Variants in ATG5 observed in about 807,000 individuals in gnomAD.
ATG5 encodes autophagy protein 5.
Under a neutral mutation model 36.5 loss-of-function variants are expected in ATG5, and 14 were observed. That is an observed-to-expected ratio of 0.38 (90% CI 0.25 to 0.60). The LOEUF is 0.60. Ranked by LOEUF, ATG5 falls within the 20% of genes least tolerant of loss-of-function variation. ATG5 has a pLI of 0.60. For synonymous variants in ATG5, 95 were observed against 101.5 expected (o/e 0.94, Z 0.38); for missense variants, 195 against 326.7 (o/e 0.60, Z 3.11).
At chr6:106,198,777 G>GAAA (rs34709544) in intron 7 of ATG5, among the ~76,000 whole-genome samples, 1 of 148,068 alleles carries the variant, frequency 6.8e-6, no homozygotes, top group African/African-American at 2.5e-5. Flanking sequence ...CCCTGTCTGG[G>GAAA]AAAAAAAAAA....
intron 3 of ATG5, among the ~76,000 whole-genome samples, chr6:106,297,372 G>A (rs1019181862): frequency 6.6e-6 from 1 of 152,118 alleles, no homozygotes; most frequent in Non-Finnish European, 1.5e-5. Flanking sequence ...GGGCTGCTCA[G>A]TCTAATTGGT....
chr6:106,253,562 C>T (rs1007586351), intron 5 of ATG5, among the ~76,000 whole-genome samples: 2 of 152,136 alleles, frequency 1.3e-5, no homozygotes, highest in South Asian at 4.1e-4. Context: ...GCATCAAGAA[C>T]AGTAATCAAT....
At chr6:106,281,755 C>CT (rs1490621635) in intron 4 of ATG5, among the ~76,000 whole-genome samples, 18 of 152,180 alleles carry the variant, frequency 1.2e-4, no homozygotes, top group Admixed American at 1.2e-3. Flanking sequence ...AACTGCCAAA[C>CT]TATTTTTCAA....
chr6:106,186,645 A>C lies in ATG5; in HGVS notation c.723T>G (p.His241Gln). The change falls in exon 8 of 8, where the codon CAT becomes CAG. Residue 241 changes from histidine to glutamine, a missense_variant. Transcript: ENST00000369076. The stretch of plus-strand genomic sequence containing the variant: ...GTGTTTCCAACATTGGCTCAATTCC[A>C]TGAATCATCACTTGATTCTTTTTTT... ...DGEKKNQVMI[H>Q]GIEPMLETPL... 1 of 1,613,864 alleles carries C rather than the reference A, an allele frequency of 6.2e-7. No homozygotes were observed. Among genetic ancestry groups the C allele is most frequent in the Non-Finnish European group, 8.5e-7 (1 of 1,179,898 alleles).
At chr6:106,205,653 C>G (rs1469803515) in intron 6 of ATG5, among the ~76,000 whole-genome samples, 2 of 152,156 alleles carry the variant, frequency 1.3e-5, no homozygotes, top group Non-Finnish European at 2.9e-5. Flanking sequence ...TCTAACCTCA[C>G]TATTGGAGAA....
intron 5 of ATG5, among the ~76,000 whole-genome samples, chr6:106,251,669 G>GA (rs1562237645): frequency 1.3e-5 from 1 of 75,254 alleles, no homozygotes; most frequent in Admixed American, 1.3e-4. Flanking sequence ...GGAAGGGAGG[G>GA]GGAGGGGGAG....
intron 6 of ATG5, among the ~76,000 whole-genome samples, chr6:106,210,421 TA>T (rs1460226343): frequency 4.6e-5 from 7 of 152,176 alleles, no homozygotes; most frequent in Non-Finnish European, 8.8e-5. Context: ...GAAAATCCTT[TA>T]AAAAGTATAA....
At chr6:106,263,035 C>A (rs1468233491) in intron 5 of ATG5, among the ~76,000 whole-genome samples, 1 of 152,212 alleles carries the variant, frequency 6.6e-6, no homozygotes, top group Non-Finnish European at 1.5e-5. Context: ...GCCACAGAGT[C>A]AAGTGGTCTC....
intron 6 of ATG5, among the ~76,000 whole-genome samples, chr6:106,203,342 T>C (rs1776509410): frequency 1.3e-5 from 2 of 152,204 alleles, no homozygotes; most frequent in Non-Finnish European, 2.9e-5. Context: ...AGAGCACCAC[T>C]GTTTGCAAGA....
chr6:106,200,113 G>C (rs1012271834), intron 7 of ATG5, among the ~76,000 whole-genome samples: 1 of 152,096 alleles, frequency 6.6e-6, no homozygotes, highest in Admixed American at 6.6e-5. Context: ...AGGAATGCTA[G>C]TATAAGCAAG....
At chr6:106,316,415 C>T (rs1328700579) in intron 1 of ATG5, 149 bp from the exon 2 acceptor site, 7 of 444,750 alleles carry the variant, frequency 1.6e-5, no homozygotes, top group East Asian at 1.4e-4. Context: ...AGTATAAATT[C>T]AAAGAAAAGA....
chr6:106,262,881 C>A (rs1377467979), intron 5 of ATG5, among the ~76,000 whole-genome samples: 1 of 152,248 alleles, frequency 6.6e-6, no homozygotes, highest in Non-Finnish European at 1.5e-5. Context: ...TAGCCTACAC[C>A]ACCAGGGCCC....
chr6:106,209,657 C>A (rs1233625204), intron 6 of ATG5, among the ~76,000 whole-genome samples: 2 of 152,070 alleles, frequency 1.3e-5, no homozygotes, highest in Non-Finnish European at 2.9e-5. Context: ...ACTAAATACA[C>A]ACACACAGTA....
At chr6:106,205,086 G>A (rs1776581763) in intron 6 of ATG5, among the ~76,000 whole-genome samples, 1 of 152,196 alleles carries the variant, frequency 6.6e-6, no homozygotes, top group African/African-American at 2.4e-5. Flanking sequence ...TTTAGCAAAG[G>A]AAGTAATGTT....
At chr6:106,256,570 G>A (rs531413475) in intron 5 of ATG5, among the ~76,000 whole-genome samples, 54 of 152,114 alleles carry the variant, frequency 3.5e-4, no homozygotes, top group African/African-American at 1.2e-3. Flanking sequence ...TTCATCATGC[G>A]AACATCATAG....
chr6:106,255,815 CA>C (rs936540018), intron 5 of ATG5, among the ~76,000 whole-genome samples: 1 of 152,066 alleles, frequency 6.6e-6, no homozygotes, highest in Non-Finnish European at 1.5e-5. Flanking sequence ...AGCAGCTTGT[CA>C]AAAAGAGATT....
chr6:106,216,439 T>C (rs1411936495), intron 6 of ATG5, among the ~76,000 whole-genome samples: 7 of 152,172 alleles, frequency 4.6e-5, no homozygotes, highest in Admixed American at 4.6e-4. Flanking sequence ...TATTGATACA[T>C]GCTACAAAAT....
intron 4 of ATG5, among the ~76,000 whole-genome samples, chr6:106,282,179 T>C (rs1779909152): frequency 6.6e-6 from 1 of 152,232 alleles, no homozygotes; most frequent in Non-Finnish European, 1.5e-5. Context: ...CTTCAATTCA[T>C]GTTATGAGCT....
chr6:106,294,411 T>TAA (rs1421838265), intron 3 of ATG5, among the ~76,000 whole-genome samples: 1 of 151,562 alleles, frequency 6.6e-6, no homozygotes, highest in Non-Finnish European at 1.5e-5. Flanking sequence ...CTTATATATA[T>TAA]AAACATAGAT....
Sources: allele counts gnomAD v4.1 joint callset (sites outside exome capture counted in the v4.1 genomes callset), GRCh38; gene constraint gnomAD v4.1.1; transcripts MANE v1.5; gene names NCBI Gene and HGNC (gene_info 2026-07-23, HGNC 2026-07-21).